FARSA: variants seen among roughly 807,000 people sequenced by gnomAD.
FARSA encodes phenylalanyl-tRNA synthetase subunit alpha.
FARSA carries 37 observed loss-of-function variants against 63.2 expected under a neutral mutation model. The observed-to-expected ratio is 0.59, with a 90% CI of 0.45 to 0.77. FARSA has a LOEUF of 0.77. Among genes scored for constraint, FARSA ranks in the 30% least tolerant of loss-of-function variants. The pLI is 0.00. For synonymous variants in FARSA, 312 were observed against 285.1 expected (o/e 1.09, Z -0.95); for missense variants, 618 against 696.6 (o/e 0.89, Z 1.27).
chr19:12,924,153 C>T lies in FARSA; in HGVS notation c.1386G>A (p.Glu462=), dbSNP rs142234599. The change falls in exon 12 of 13, where the codon GAG becomes GAA. Residue 462 remains glutamate (E), a splice_region_variant and synonymous_variant. Transcript: ENST00000314606. The surrounding 1 kb of genome is among the most constrained non-coding windows in gnomAD (Gnocchi z 6.4). ...VSVIAWGLSL[E]RPTMIKYGIN... The stretch of plus-strand genomic sequence containing the variant: ...CGAGTTTCCACTTGGGCACTTACCG[C>T]TCCAGGGAGAGGCCCCAGGCAATGA... 2.7e-4 allele frequency: 438 copies of T among 1,613,684 alleles called. 3 individuals are homozygous for T. The highest frequency in any genetic ancestry group is 4.7e-5 in the Non-Finnish European group (56 of 1,179,738).
At chr19:12,931,357 G>A (rs1345997190) in intron 1 of FARSA, among the ~76,000 whole-genome samples, 3 of 151,950 alleles carry the variant, frequency 2.0e-5, no homozygotes, top group Non-Finnish European at 4.4e-5. Flanking sequence ...TCTGCCTCCC[G>A]GGTTCAAATG....
Position 12,924,562 on chromosome 19 carries a change from T to C in FARSA, c.1196-36A>G, listed in dbSNP as rs918158795. 1 of 1,611,856 alleles carries C rather than the reference T, an allele frequency of 6.2e-7. No homozygotes were observed. The highest frequency in any genetic ancestry group is 8.5e-7 in the Non-Finnish European group (1 of 1,179,574). On this transcript the variant is annotated intron_variant, in intron 10 of 12. Coordinates refer to ENST00000314606, the MANE Select transcript of FARSA (RefSeq NM_004461.3). The surrounding 1 kb of genome is among the most constrained non-coding windows in gnomAD (Gnocchi z 6.4). ...TGGGGGGCGGGCAGGAGAGCAGGGG[T>C]TTGGAGGATAATGCTGGTGATCAAC... is the stretch of plus-strand genomic sequence containing the variant.
intron 12 of FARSA, 131 bp from the exon 13 acceptor site, chr19:12,923,017 C>T: frequency 8.4e-7 from 1 of 1,193,338 alleles, no homozygotes; most frequent in Non-Finnish European, 1.2e-6. Context: ...CCTGCGCCAA[C>T]TGCTCTATCA....
chr19:12,922,892 G>A lies in FARSA; in HGVS notation c.1389-6C>T, dbSNP rs199728639. On this transcript the variant is annotated splice_region_variant and splice_polypyrimidine_tract_variant and intron_variant, in intron 12 of 12. Coordinates refer to ENST00000314606, the MANE Select transcript of FARSA (RefSeq NM_004461.3). Reference sequence around the variant, plus strand: ...CATATTTGATCATCGTTGGGCTTGTGGGGGAGGGAACAGAGTTTATCATGA... The same window carrying A: ...CATATTTGATCATCGTTGGGCTTGTAGGGGAGGGAACAGAGTTTATCATGA... 6.2e-7 allele frequency: 1 copy of A among 1,613,990 alleles called. No homozygotes were observed. The highest frequency in any genetic ancestry group is 8.5e-7 in the Non-Finnish European group (1 of 1,180,008).
chr19:12,927,079 G>A (rs1489461116), intron 7 of FARSA, among the ~76,000 whole-genome samples: 1 of 152,210 alleles, frequency 6.6e-6, no homozygotes, highest in African/African-American at 2.4e-5. Context: ...CAGTGCTAAG[G>A]GCAATGAAAG....
At position 12,924,642 on chromosome 19, in the gene FARSA, G is replaced by C; in HGVS notation, c.1192C>G (p.Leu398Val). 6.2e-7 allele frequency: 1 copy of C among 1,604,432 alleles called. No homozygotes were observed. Among genetic ancestry groups the C allele is most frequent in the South Asian group, 1.1e-5 (1 of 89,654 alleles). ...MGVLREFFTK[L>V]GITQLRFKPA... Reference sequence around the variant, plus strand: ...CCACCCCTGCCCCCCTGCTCACCCAGCTTGGTGAAGAACTCCCGCAGAACG... The same window carrying C: ...CCACCCCTGCCCCCCTGCTCACCCACCTTGGTGAAGAACTCCCGCAGAACG... The change falls in exon 10 of 13, where the codon CTG becomes GTG. Residue 398 changes from leucine (L) to valine (V), a missense_variant. Leu to Val is a conservative substitution (Grantham distance 32). Transcript: ENST00000314606. The surrounding 1 kb of genome is among the most constrained non-coding windows in gnomAD (Gnocchi z 6.4).
chr19:12,927,111 G>T (rs1363732504), intron 7 of FARSA, among the ~76,000 whole-genome samples: 2 of 152,236 alleles, frequency 1.3e-5, no homozygotes, highest in Non-Finnish European at 2.9e-5. Context: ...ACAGAAGAAT[G>T]AACACTAGGG....
Position 12,922,863 on chromosome 19 carries a change from A to C in FARSA, c.1412T>G (p.Ile471Ser). Residue 471 changes from isoleucine to serine, a missense_variant, in exon 13 of 13, where the codon ATC (isoleucine) becomes AGC (serine). Transcript: ENST00000314606. Reference protein sequence around the residue: ...LERPTMIKYGINNIRELVGHK... With the variant: ...LERPTMIKYGSNNIRELVGHK... ...GCCCACCAGCTCCCGGATATTGTTG[A>C]TGCCATATTTGATCATCGTTGGGCT... 6.2e-7 allele frequency: 1 copy of C among 1,614,102 alleles called. No individual in the cohort carries two copies. Among genetic ancestry groups the C allele is most frequent in the Non-Finnish European group, 8.5e-7 (1 of 1,180,022 alleles).
chr19:12,928,615 G>A lies in FARSA; in HGVS notation c.645C>T (p.His215=), dbSNP rs749351203. 1.3e-5 allele frequency: 21 copies of A among 1,611,402 alleles called. No individual in the cohort carries two copies. The highest frequency in any genetic ancestry group is 2.2e-5 in the South Asian group (2 of 90,860). ...RPFKPYNFLA[H]GVLPDSGHLH... is the part of the protein sequence containing the mutation. ...GGTGGCCGCTGTCGGGGAGGACACC[G>A]TGGGCCAAGAAGTTGTAGGGCTTGA... Residue 215 remains histidine, a synonymous_variant, in exon 6 of 13, where the codon CAC becomes CAT. Transcript: ENST00000314606.
intron 7 of FARSA, 108 bp from the exon 8 acceptor site, chr19:12,925,282 C>A: frequency 1.2e-6 from 1 of 817,498 alleles, no homozygotes; most frequent in Non-Finnish European, 2.0e-6. Flanking sequence ...GTGGTGCAAT[C>A]TGGGCTTACT....
In FARSA at chr19:12,933,630, T is replaced by A; in HGVS notation, c.67A>T (p.Ser23Cys). The A allele has an allele frequency of 6.4e-7, 1 of 1,560,664 alleles. No individual in the cohort carries two copies. Residue 23 changes from serine (S) to cysteine (C), a missense_variant, in exon 1 of 13, where the codon AGC becomes TGC. Ser to Cys is a moderately radical substitution (Grantham distance 112). Transcript: ENST00000314606. ...RLEASDGGLD[S>C]AELAAELGME... The stretch of plus-strand genomic sequence containing the variant: ...CCCAGCTCAGCCGCCAACTCGGCGC[T>A]GTCCAGGCCGCCATCAGACGCCTCC...
chr19:12,926,302 C>T (rs1400675702), intron 7 of FARSA, among the ~76,000 whole-genome samples: 1 of 140,104 alleles, frequency 7.1e-6, no homozygotes, highest in Non-Finnish European at 1.5e-5. Context: ...GACGGAGTCT[C>T]GCTCAGTCAC....
chr19:12,927,028 C>T (rs768670334), intron 7 of FARSA, among the ~76,000 whole-genome samples: 1 of 152,226 alleles, frequency 6.6e-6, no homozygotes. Flanking sequence ...CCCTCTTGGT[C>T]AGGAAGGCCA....
intron 7 of FARSA, among the ~76,000 whole-genome samples, chr19:12,926,397 G>A (rs1453168021): frequency 3.3e-5 from 5 of 151,742 alleles, no homozygotes; most frequent in Middle Eastern, 3.4e-3. Flanking sequence ...TCAGCCTCCC[G>A]AGTAGCTGGG....
intron 1 of FARSA, among the ~76,000 whole-genome samples, chr19:12,932,264 C>T (rs1220912478): frequency 1.3e-5 from 2 of 152,064 alleles, no homozygotes; most frequent in African/African-American, 2.4e-5. Flanking sequence ...AACTCCTGAC[C>T]TCGTGATCCA....
rs1339506943 is a variant in FARSA, at chr19:12,933,667, C to G, written c.30G>C (p.Leu10=). The change falls in exon 1 of 13, where the codon CTG becomes CTC. Residue 10 remains leucine, a synonymous_variant. Transcript: ENST00000314606. The part of the protein sequence containing the change: MADGQVAEL[L]LRRLEASDGG... ...CATCAGACGCCTCCAGCCGCCGGAG[C>G]AGCAGTTCCGCCACCTGACCATCCG... 6.4e-6 allele frequency: 10 copies of G among 1,570,812 alleles called. No individual in the cohort carries two copies. Among genetic ancestry groups the G allele is most frequent in the Middle Eastern group, 2.2e-4 (1 of 4,460 alleles).
intron 4 of FARSA, among the ~76,000 whole-genome samples, chr19:12,929,913 C>A (rs983736257): frequency 6.6e-6 from 1 of 152,142 alleles, no homozygotes; most frequent in Admixed American, 6.6e-5. Context: ...AAGATGAAGA[C>A]TAGGGGCGAT....
intron 4 of FARSA, among the ~76,000 whole-genome samples, chr19:12,929,961 G>C (rs1971371751): frequency 6.6e-6 from 1 of 152,190 alleles, no homozygotes; most frequent in Admixed American, 6.5e-5. Context: ...AGGGCTGTCA[G>C]GGTGGCCTCT....
intron 4 of FARSA, 150 bp from the exon 5 acceptor site, chr19:12,928,997 T>C (rs1971361415): frequency 2.8e-6 from 2 of 711,830 alleles, no homozygotes; most frequent in African/African-American, 1.7e-5. Context: ...AATCCTCCTA[T>C]GTGACCATGC....
Sources: gnomAD v4.1 joint callset for allele counts (sites outside exome capture counted in the v4.1 genomes callset) on GRCh38, gnomAD v4.1.1 for gene constraint, Gnocchi (gnomAD v3.1) non-coding constraint, MANE v1.5 for transcripts, NCBI Gene and HGNC (gene_info 2026-07-23, HGNC 2026-07-21) for gene names.